BICRA: variants seen among roughly 807,000 people sequenced by gnomAD.
BICRA encodes BRD4-interacting chromatin-remodeling complex-associated protein.
A neutral mutation model predicts 96.9 loss-of-function variants in BICRA; 31 were observed. The observed-to-expected ratio is 0.32, with a 90% CI of 0.24 to 0.43. BICRA has a LOEUF of 0.43. Among genes scored for constraint, BICRA ranks in the 20% least tolerant of loss-of-function variants. The probability of loss-of-function intolerance (pLI) is 1.00; values close to 1 mark genes in which losing one functional copy is unlikely to be tolerated. For synonymous variants in BICRA, 1,350 were observed against 1,071.8 expected, an observed-to-expected ratio of 1.26 and a Z score of -5.07; for missense variants, 2,283 against 2,190.3, an observed-to-expected ratio of 1.04 and a Z score of -0.84.
At chr19:47,695,530 G>A (rs1973326752) in intron 10 of BICRA, 56 bp downstream of exon 10, 2 of 825,216 alleles carry the variant, frequency 2.4e-6, no homozygotes, top group South Asian at 3.0e-5. Context: ...CGGGAACTGG[G>A]AACTGGGGCT....
intron 5 of BICRA, among the ~76,000 whole-genome samples, chr19:47,676,853 A>AT (rs1431929652): frequency 6.6e-6 from 1 of 151,770 alleles, no homozygotes; most frequent in East Asian, 1.9e-4. Context: ...CACGACCATC[A>AT]TTTTTGTATA....
intron 1 of BICRA, among the ~76,000 whole-genome samples, chr19:47,610,469 C>T (rs1292907220): frequency 6.6e-6 from 1 of 152,128 alleles, no homozygotes; most frequent in Non-Finnish European, 1.5e-5. Context: ...GCTGAACTTC[C>T]CGGGAGGTGG....
chr19:47,691,322 G>T lies in BICRA; in HGVS notation c.2284-2793G>T, dbSNP rs554522470. 1.3e-5 allele frequency among the ~76,000 whole-genome samples: 2 copies of T among 152,204 alleles called. 1 individual carries two copies. The highest frequency in any genetic ancestry group is 3.8e-4 in the East Asian group (2 of 5,198). ...AGGCTTTTTATAACTAATCTTGGAA[G>T]TGTCATATAATCACTTCTGCCAAAT... On this transcript the variant is annotated intron_variant, in intron 7 of 14. Coordinates refer to ENST00000594866, the MANE Select transcript of BICRA (RefSeq NM_001394372.1).
At position 47,696,531 on chromosome 19, in the gene BICRA, C is replaced by T. The variant is rs372874055; in HGVS notation, c.3248+19C>T. 3.3e-4 allele frequency: 531 copies of T among 1,587,534 alleles called. 1 individual carries two copies. The highest frequency in any genetic ancestry group is 9.9e-4 in the Middle Eastern group (6 of 6,040). On this transcript the variant is annotated intron_variant, in intron 11 of 14. Coordinates refer to ENST00000594866, the MANE Select transcript of BICRA (RefSeq NM_001394372.1). ...AAGCCTGGTGAGTCCACACCCCATC[C>T]TTGCATGCCTGCCCTGTACCTTCCA...
Position 47,680,052 on chromosome 19 carries a change from G to A in BICRA, c.882G>A (p.Ser294=), listed in dbSNP as rs755617442. The change falls in exon 6 of 15, where the codon TCG becomes TCA. Residue 294 remains serine, a synonymous_variant. Transcript: ENST00000594866. ...GCCTGGTCATCCAGAAGAACCTCTC[G>A]GCCGCTGTGGCCACCACGCTCAATG... ...GAGLVIQKNL[S]AAVATTLNGN... is the part of the protein sequence containing the mutation. 4 of 1,556,866 alleles carry A rather than the reference G, an allele frequency of 2.6e-6. No individual in the cohort carries two copies. Among genetic ancestry groups the A allele is most frequent in the African/African-American group, 1.4e-5 (1 of 72,334 alleles).
intron 7 of BICRA, among the ~76,000 whole-genome samples, chr19:47,683,554 G>A (rs1243121519): frequency 1.3e-5 from 2 of 151,284 alleles, no homozygotes; most frequent in East Asian, 1.9e-4. Context: ...TTATGCTTAC[G>A]AGTCATAACA....
At chr19:47,693,765 G>A (rs1973277244) in intron 7 of BICRA, among the ~76,000 whole-genome samples, 1 of 152,172 alleles carries the variant, frequency 6.6e-6, no homozygotes, top group African/African-American at 2.4e-5. Flanking sequence ...CGCCACCACT[G>A]CCTCTGCTTC....
chr19:47,613,278 T>TC (rs1249386850), intron 1 of BICRA, among the ~76,000 whole-genome samples: 1 of 151,792 alleles, frequency 6.6e-6, no homozygotes, highest in South Asian at 2.1e-4. Context: ...GCAGCCCAGT[T>TC]CCCCCGCCAG....
intron 5 of BICRA, among the ~76,000 whole-genome samples, 191 bp downstream of exon 5, chr19:47,676,107 G>A (rs562155411): frequency 1.3e-5 from 2 of 152,096 alleles, no homozygotes; most frequent in Non-Finnish European, 1.5e-5. Context: ...GGAACCCTGT[G>A]GGGGGCCAAC....
Position 47,699,339 on chromosome 19 carries a change from C to A in BICRA, c.3529C>A (p.Arg1177=). Residue 1177 remains arginine, a synonymous_variant, in exon 14 of 15, where the codon CGA becomes AGA. Coordinates refer to ENST00000594866, the MANE Select transcript of BICRA (RefSeq NM_001394372.1). The surrounding 1 kb of genome is among the most constrained non-coding windows in gnomAD (Gnocchi z 5.0). ...CTCAGCGGAGATGGTAATGATCGAC[C>A]GAATGTTCATTCAGGAGGAGAAGAC... is the stretch of plus-strand genomic sequence containing the variant. ...SPSAEMVMID[R]MFIQEEKTTL... 6.4e-7 allele frequency: 1 copy of A among 1,570,132 alleles called. No homozygotes were observed. Among genetic ancestry groups the A allele is most frequent in the Non-Finnish European group, 8.6e-7 (1 of 1,157,740 alleles).
chr19:47,694,163 T>C lies in BICRA; in HGVS notation c.2332T>C (p.Ser778Pro). 1 of 1,412,154 alleles carries C rather than the reference T, an allele frequency of 7.1e-7. No homozygotes were observed. The highest frequency in any genetic ancestry group is 9.4e-7 in the Non-Finnish European group (1 of 1,065,652). 87.5% of individuals were successfully genotyped at this position (1,412,154 alleles called of 1,614,324 possible). ...LKGPGPSSSP[S>P]LPHQAPLGDS... The stretch of plus-strand genomic sequence containing the variant: ...GGGCCCAGGCCCCTCTTCGTCCCCG[T>C]CACTACCTCACCAGGCCCCTCTGGG... The change falls in exon 8 of 15, where the codon TCA becomes CCA. Residue 778 changes from serine to proline, a missense_variant. Coordinates refer to ENST00000594866, the MANE Select transcript of BICRA (RefSeq NM_001394372.1).
chr19:47,672,002 G>A (rs1187978411), intron 2 of BICRA, among the ~76,000 whole-genome samples: 10 of 145,326 alleles, frequency 6.9e-5, no homozygotes, highest in African/African-American at 2.6e-5. Flanking sequence ...GAAAGATGGA[G>A]GGATTGGTAG....
intron 1 of BICRA, among the ~76,000 whole-genome samples, chr19:47,613,416 G>A (rs987460393): frequency 3.9e-5 from 6 of 152,154 alleles, no homozygotes; most frequent in African/African-American, 1.4e-4. Context: ...GGCTTGGAAG[G>A]CAGAGGGGCT....
chr19:47,694,280 C>T lies in BICRA; in HGVS notation c.2449C>T (p.Pro817Ser). The change falls in exon 8 of 15, where the codon CCA becomes TCA. Residue 817 changes from proline to serine, a missense_variant. By Grantham distance (74) the Pro-to-Ser change is moderately conservative. Transcript: ENST00000594866. ...PQSVSRPPSE[P>S]PLHPCPPPQA... ...GAGTGTGTCCCGCCCTCCCTCAGAGCCACCCTTGCACCCTTGCCCCCCACC... is the reference window on the plus strand; with the variant it reads ...GAGTGTGTCCCGCCCTCCCTCAGAGTCACCCTTGCACCCTTGCCCCCCACC... 2.3e-6 allele frequency: 2 copies of T among 873,832 alleles called. No homozygotes were observed. Among genetic ancestry groups the T allele is most frequent in the East Asian group, 2.7e-5 (1 of 36,634 alleles). The allele number at this position is 873,832 out of a possible 1,614,324, so 54.1% of individuals were successfully genotyped here.
At chr19:47,611,429 C>T (rs1971905842) in intron 1 of BICRA, among the ~76,000 whole-genome samples, 1 of 152,108 alleles carries the variant, frequency 6.6e-6, no homozygotes, top group South Asian at 2.1e-4. Flanking sequence ...AGCCCCAGGC[C>T]TGGCCAGTGA....
chr19:47,687,465 G>A (rs940738849), intron 7 of BICRA, among the ~76,000 whole-genome samples: 2 of 152,024 alleles, frequency 1.3e-5, no homozygotes, highest in Admixed American at 1.3e-4. Flanking sequence ...GAATACTTCA[G>A]GTGGTTTATT....
chr19:47,696,383 G>A (rs1178669877), intron 10 of BICRA, 68 bp from the exon 11 acceptor site: 11 of 1,431,496 alleles, frequency 7.7e-6, no homozygotes, highest in South Asian at 4.9e-5. Context: ...CTAGGCTAGA[G>A]GGGAAGCTGG....
intron 11 of BICRA, among the ~76,000 whole-genome samples, chr19:47,697,411 A>G (rs954864985): frequency 6.6e-6 from 1 of 151,314 alleles, no homozygotes; most frequent in Non-Finnish European, 1.5e-5. Context: ...AAAAAAAAAA[A>G]TTTTTTTTTA....
chr19:47,667,606 A>G (rs1972801869), intron 1 of BICRA, among the ~76,000 whole-genome samples: 1 of 152,134 alleles, frequency 6.6e-6, no homozygotes, highest in African/African-American at 2.4e-5. Context: ...ATTCCAGAGG[A>G]AAAGAATCCT....
Sources: allele counts gnomAD v4.1 joint callset (sites outside exome capture counted in the v4.1 genomes callset), GRCh38; gene constraint gnomAD v4.1.1; non-coding constraint Gnocchi (gnomAD v3.1); transcripts MANE v1.5; gene names NCBI Gene and HGNC (gene_info 2026-07-23, HGNC 2026-07-21).